XPA: variants seen among roughly 807,000 people sequenced by gnomAD.
XPA encodes DNA repair protein complementing XP-A cells.
In XPA, 27 loss-of-function variants were observed where a neutral mutation model predicts 35.7. The ratio of observed to expected loss-of-function variants is 0.76; its 90% CI spans 0.56 to 1.04. XPA has a LOEUF of 1.04. Among genes scored for constraint, XPA ranks in the 50% least tolerant of loss-of-function variants. XPA has a pLI of 0.00. For synonymous variants in XPA, 133 were observed against 118.4 expected, an observed-to-expected ratio of 1.12 and a Z score of -0.80; for missense variants, 354 against 342.7, an observed-to-expected ratio of 1.03 and a Z score of -0.26.
At chr9:97,678,956 G>A (rs753532687) in intron 5 of XPA, among the ~76,000 whole-genome samples, 1 of 152,138 alleles carries the variant, frequency 6.6e-6, no homozygotes, top group Non-Finnish European at 1.5e-5. Context: ...TAAAAAATAC[G>A]AGCTGTGTAA....
rs777327970 is a variant in XPA at position 97,685,023 on chromosome 9, A to G, written c.573T>C (p.Leu191=). 4 of 1,613,542 alleles carry G rather than the reference A, an allele frequency of 2.5e-6. No homozygotes were observed. The highest frequency in any genetic ancestry group is 2.2e-5 in the East Asian group (1 of 44,822). The change falls in exon 5 of 6, where the codon CTT becomes CTC. Residue 191 remains leucine (L), a synonymous_variant. Transcript: ENST00000375128. ...YLKLQIVKRS[L]EVWGSQEALE... Reference sequence around the variant, plus strand: ...ATGCTTCTTGACTACCCCAAACTTCAAGAGACCTCTTCACAATCTACAACA... The same window carrying G: ...ATGCTTCTTGACTACCCCAAACTTCGAGAGACCTCTTCACAATCTACAACA...
chr9:97,656,794 C>G, the XPA span, among the ~76,000 whole-genome samples: 158 of 152,192 alleles, frequency 1.0e-3, no homozygotes, highest in Middle Eastern at 3.4e-3. Flanking sequence ...CTTTAATGTT[C>G]CATTACATAT....
downstream of XPA, chr9:97,670,105 T>C (rs1828141201): frequency 9.1e-6 from 3 of 327,874 alleles, no homozygotes; most frequent in South Asian, 7.8e-5. Flanking sequence ...GTATTTTTAG[T>C]AGGGACAGAG....
chr9:97,672,010 G>A (rs1828207815), downstream of XPA: 1 of 152,206 alleles, frequency 6.6e-6, no homozygotes, highest in Non-Finnish European at 1.5e-5. Flanking sequence ...GAATACTAAA[G>A]TGGATGTAGA....
At chr9:97,689,735 T>A in intron 2 of XPA, 96 bp from the exon 3 acceptor site, 2 of 672,136 alleles carry the variant, frequency 3.0e-6, no homozygotes, top group South Asian at 1.9e-5. Context: ...ATGCAATGCC[T>A]GACATAAATA....
At position 97,675,579 on chromosome 9, in the gene XPA, G is replaced by A. The variant is rs104894132; in HGVS notation, c.682C>T (p.Arg228Ter). 274 of 1,613,522 alleles carry A rather than the reference G, an allele frequency of 1.7e-4. No individual in the cohort carries two copies. Among genetic ancestry groups the A allele is most frequent in the Non-Finnish European group, 6.2e-5 (73 of 1,179,880 alleles). Residue 228 changes from arginine to a stop codon, truncating the protein, a stop_gained, in exon 6 of 6, where the codon CGA becomes TGA. Transcript: ENST00000375128. LOFTEE classifies it high-confidence loss of function. The part of the protein sequence containing the change: ...KFDKKVKELR[R>*]AVRSSVWKRE... Reference sequence around the variant, plus strand: ...TTCCACACGCTGCTTCTTACTGCTCGCCGCAATTCTGAAAAAAAAATTTTA... The same window carrying A: ...TTCCACACGCTGCTTCTTACTGCTCACCGCAATTCTGAAAAAAAAATTTTA...
chr9:97,655,622 T>G, the XPA span: 1 of 1,191,608 alleles, frequency 8.4e-7, no homozygotes, highest in Non-Finnish European at 1.2e-6. Flanking sequence ...TTTTATCTGT[T>G]TGAAGGCTTA....
rs200679818 is a variant in XPA at position 97,693,623 on chromosome 9, A to G, written c.283+26T>C. ...GTTACTCAAAATAACCAATCTAGATACTTATTTTTGAAAAACTCACTTTAC... is the reference window on the plus strand; with the variant it reads ...GTTACTCAAAATAACCAATCTAGATGCTTATTTTTGAAAAACTCACTTTAC... On this transcript the variant is annotated intron_variant, in intron 2 of 5. Coordinates refer to ENST00000375128, the MANE Select transcript of XPA (RefSeq NM_000380.4). 15 of 1,585,738 alleles carry G rather than the reference A, an allele frequency of 9.5e-6. No individual in the cohort carries two copies. In the East Asian group the frequency reaches 2.0e-4, roughly 21 times the overall value.
At chr9:97,690,045 A>G (rs956041770) in intron 2 of XPA, among the ~76,000 whole-genome samples, 1 of 152,188 alleles carries the variant, frequency 6.6e-6, no homozygotes. Flanking sequence ...TGGAGGCTCT[A>G]GGCAAGAATC....
At chr9:97,658,659 A>G in the XPA span, 18 of 1,611,536 alleles carry the variant, frequency 1.1e-5, no homozygotes, top group African/African-American at 2.7e-5. Context: ...CCATCAGCGT[A>G]TATTAGATAT....
intron 5 of XPA, among the ~76,000 whole-genome samples, chr9:97,680,998 A>G (rs1828522709): frequency 6.6e-6 from 1 of 152,258 alleles, no homozygotes; most frequent in Non-Finnish European, 1.5e-5. Flanking sequence ...ATGGAAATTT[A>G]TAACAATTTT....
intron 5 of XPA, among the ~76,000 whole-genome samples, chr9:97,679,618 G>A (rs1019952884): frequency 1.3e-5 from 2 of 152,074 alleles, no homozygotes; most frequent in Non-Finnish European, 2.9e-5. Context: ...ATTACAGAAA[G>A]TGAAAGAAAT....
chr9:97,686,087 C>G (rs1020746914), intron 4 of XPA, among the ~76,000 whole-genome samples: 1 of 152,156 alleles, frequency 6.6e-6, no homozygotes, highest in Non-Finnish European at 1.5e-5. Flanking sequence ...TCAACAGAAT[C>G]TTAGTATTTA....
chr9:97,689,492 A>C (rs771026722), intron 3 of XPA, 42 bp downstream of exon 3: 1 of 1,242,886 alleles, frequency 8.0e-7, no homozygotes, highest in Non-Finnish European at 1.2e-6. Context: ...CTAAACCTAC[A>C]CATAAACATT....
intron 5 of XPA, among the ~76,000 whole-genome samples, chr9:97,679,215 G>A (rs1828462626): frequency 6.6e-6 from 1 of 152,070 alleles, no homozygotes; most frequent in Non-Finnish European, 1.5e-5. Context: ...GGTAAAGGGT[G>A]GTGATGTATA....
At chr9:97,677,992 A>G (rs1489454722) in intron 5 of XPA, among the ~76,000 whole-genome samples, 1 of 152,182 alleles carries the variant, frequency 6.6e-6, no homozygotes, top group Non-Finnish European at 1.5e-5. Context: ...TGAACCATGA[A>G]ATTTTAAAAC....
chr9:97,655,929 T>C, the XPA span: 66 of 1,410,766 alleles, frequency 4.7e-5, 1 homozygote, highest in South Asian at 4.2e-4. Flanking sequence ...TAAGTTGTTA[T>C]AAGTTAACAG....
At chr9:97,681,771 T>A (rs570359121) in intron 5 of XPA, among the ~76,000 whole-genome samples, 1 of 152,212 alleles carries the variant, frequency 6.6e-6, no homozygotes, top group Admixed American at 6.5e-5. Flanking sequence ...ATTTCTGTAA[T>A]GTGTAACAGT....
chr9:97,675,208 G>A lies in XPA; in HGVS notation c.*231C>T. On this transcript the variant is annotated 3_prime_UTR_variant, in exon 6 of 6. Coordinates refer to ENST00000375128, the MANE Select transcript of XPA (RefSeq NM_000380.4). ...CTAGCACTCAGCTCCCATCTCTGTT[G>A]TAAGAAGGCAATCACAGACATGACA... is the stretch of plus-strand genomic sequence containing the variant. 1.6e-6 allele frequency: 1 copy of A among 640,170 alleles called. No homozygotes were observed. Among genetic ancestry groups the A allele is most frequent in the Non-Finnish European group, 2.9e-6 (1 of 349,892 alleles). The allele number at this position is 640,170 out of a possible 1,614,324, so 39.7% of individuals were successfully genotyped here.
Sources: allele counts gnomAD v4.1 joint callset (sites outside exome capture counted in the v4.1 genomes callset), GRCh38; gene constraint gnomAD v4.1.1; transcripts MANE v1.5; gene names NCBI Gene and HGNC (gene_info 2026-07-23, HGNC 2026-07-21).